USP45: variants seen among roughly 807,000 people sequenced by gnomAD.
USP45 encodes ubiquitin specific peptidase 45.
A neutral mutation model predicts 95.8 loss-of-function variants in USP45; 89 were observed. The observed-to-expected ratio is 0.93, with a 90% CI of 0.78 to 1.11. The LOEUF is 1.11. USP45 is among the 50% of genes least tolerant of loss of function. The probability of loss-of-function intolerance (pLI) is 0.00; values close to 1 mark genes in which losing one functional copy is unlikely to be tolerated. For synonymous variants in USP45, 281 were observed against 316.2 expected, an observed-to-expected ratio of 0.89 and a Z score of 1.18; for missense variants, 898 against 942.5, an observed-to-expected ratio of 0.95 and a Z score of 0.62.
chr6:99,466,869 G>A (rs914563168), intron 10 of USP45, 106 bp from the exon 11 acceptor site: 1 of 735,098 alleles, frequency 1.4e-6, no homozygotes, highest in South Asian at 1.7e-5. Context: ...AAGATATTCT[G>A]TACTACATTT....
intron 15 of USP45, among the ~76,000 whole-genome samples, chr6:99,442,626 C>G (rs1781733537): frequency 6.6e-6 from 1 of 152,154 alleles, no homozygotes; most frequent in Non-Finnish European, 1.5e-5. Context: ...GTGGGCGGAT[C>G]ACCTGAGGTC....
At chr6:99,475,525 A>G (rs1790606250) in intron 9 of USP45, among the ~76,000 whole-genome samples, 2 of 152,058 alleles carry the variant, frequency 1.3e-5, no homozygotes, top group Non-Finnish European at 2.9e-5. Flanking sequence ...CATGTTTCCC[A>G]GGCTGATCTT....
At chr6:99,500,435 ACTTT>A (rs1436817830) in intron 5 of USP45, among the ~76,000 whole-genome samples, 1 of 152,086 alleles carries the variant, frequency 6.6e-6, no homozygotes, top group East Asian at 1.9e-4. Context: ...AAAGCCATGT[ACTTT>A]CCATCATACC....
chr6:99,444,253 G>T (rs1345420382), intron 14 of USP45, among the ~76,000 whole-genome samples: 1 of 152,100 alleles, frequency 6.6e-6, no homozygotes, highest in Admixed American at 6.6e-5. Flanking sequence ...GGCTACAAGC[G>T]ATCCTCATGC....
At position 99,435,422 on chromosome 6, in the gene USP45, A is replaced by G. The variant is rs1289453840; in HGVS notation, c.*294T>C. 1.8e-5 allele frequency: 4 copies of G among 217,956 alleles called. No homozygotes were observed. Among genetic ancestry groups the G allele is most frequent in the Non-Finnish European group, 2.7e-5 (3 of 111,954 alleles). 13.5% of individuals were successfully genotyped at this position (217,956 alleles called of 1,614,324 possible). A position where few individuals can be genotyped will look rare whatever the true frequency, so the allele number is the denominator to read the frequency against. On this transcript the variant is annotated 3_prime_UTR_variant, in exon 18 of 18. Transcript: ENST00000500704. ...CCAGCATCATTTCTGAATGCTTGTA[A>G]TAATAAGCCACATCATAAAGGGGTT...
rs545357555 is a variant in USP45 at position 99,436,664 on chromosome 6, A to G, written c.2314+582T>C. On this transcript the variant is annotated intron_variant, in intron 17 of 17. Transcript: ENST00000500704. The stretch of plus-strand genomic sequence containing the variant: ...TGATATGGCTTCAAAAACTTTTGGT[A>G]TTGTTAAATAAAATGCTACTCCACT... Among the ~76,000 whole-genome samples, 12 of 152,336 alleles carry G rather than the reference A, an allele frequency of 7.9e-5. No individual in the cohort carries two copies. In the East Asian group the frequency reaches 1.2e-3, roughly 15 times the overall value.
intron 17 of USP45, 102 bp downstream of exon 17, chr6:99,437,144 A>C: frequency 8.2e-7 from 1 of 1,215,450 alleles, no homozygotes; most frequent in South Asian, 1.5e-5. Flanking sequence ...GCAAGCAAGC[A>C]AATCCACTAG....
intron 13 of USP45, among the ~76,000 whole-genome samples, chr6:99,460,239 C>A (rs1480591486): frequency 6.6e-6 from 1 of 152,054 alleles, no homozygotes; most frequent in Non-Finnish European, 1.5e-5. Flanking sequence ...ACTATCAAAT[C>A]AGTACTTGTA....
intron 9 of USP45, among the ~76,000 whole-genome samples, chr6:99,474,070 GGA>G (rs902172886): frequency 1.1e-4 from 17 of 152,092 alleles, no homozygotes; most frequent in African/African-American, 3.9e-4. Context: ...TTTTATAGCA[GGA>G]GAGAGTAATT....
At chr6:99,506,739 A>G (rs1367018154) in intron 4 of USP45, among the ~76,000 whole-genome samples, 5 of 152,232 alleles carry the variant, frequency 3.3e-5, no homozygotes, top group Non-Finnish European at 7.3e-5. Flanking sequence ...AATGACCTGA[A>G]AAGTTTTTAC....
chr6:99,486,474 A>T (rs1217892735), intron 7 of USP45, among the ~76,000 whole-genome samples: 1 of 152,070 alleles, frequency 6.6e-6, no homozygotes, highest in East Asian at 1.9e-4. Flanking sequence ...AGTTTTAAGG[A>T]TCTCACTACA....
intron 5 of USP45, chr6:99,501,812 T>C (rs915105262): frequency 2.4e-6 from 2 of 823,866 alleles, no homozygotes; most frequent in African/African-American, 1.8e-5. Flanking sequence ...TGTTATATAA[T>C]AAAGGATCTG....
At chr6:99,439,374 G>A (rs956265949) in intron 16 of USP45, among the ~76,000 whole-genome samples, 2 of 152,196 alleles carry the variant, frequency 1.3e-5, no homozygotes. Flanking sequence ...GAAGTGGCAC[G>A]AAAGACAATT....
intron 5 of USP45, among the ~76,000 whole-genome samples, chr6:99,497,171 T>C (rs1796470414): frequency 6.6e-6 from 1 of 152,156 alleles, no homozygotes; most frequent in Non-Finnish European, 1.5e-5. Flanking sequence ...CAATACCTAT[T>C]TCTGGGTGGG....
chr6:99,464,875 A>G (rs1583150873), intron 12 of USP45, 128 bp from the exon 13 acceptor site: 1 of 1,201,446 alleles, frequency 8.3e-7, no homozygotes, highest in Admixed American at 3.0e-5. Context: ...AAAGTGTTTA[A>G]GAGTTTAAAT....
chr6:99,495,177 C>G (rs1484332806), intron 5 of USP45, among the ~76,000 whole-genome samples: 1 of 152,130 alleles, frequency 6.6e-6, no homozygotes, highest in South Asian at 2.1e-4. Context: ...AGTTTTACAA[C>G]AGTAATCAAA....
chr6:99,508,519 A>T, intron 3 of USP45, 91 bp downstream of exon 3: 1 of 1,229,484 alleles, frequency 8.1e-7, no homozygotes, highest in Non-Finnish European at 1.1e-6. Context: ...AATTTATCTT[A>T]ACTCCTATGC....
chr6:99,454,821 G>T (rs1583061299), intron 13 of USP45, among the ~76,000 whole-genome samples: 1 of 152,138 alleles, frequency 6.6e-6, no homozygotes, highest in East Asian at 1.9e-4. Flanking sequence ...GGGTGCAGTG[G>T]CTTATGCCTG....
intron 5 of USP45, among the ~76,000 whole-genome samples, chr6:99,502,383 C>G (rs889534114): frequency 6.6e-6 from 1 of 152,136 alleles, no homozygotes; most frequent in Non-Finnish European, 1.5e-5. Context: ...CTCATTCTAG[C>G]AAATTATCAC....
Sources: gnomAD v4.1 joint callset for allele counts (sites outside exome capture counted in the v4.1 genomes callset) on GRCh38, gnomAD v4.1.1 for gene constraint, MANE v1.5 for transcripts, NCBI Gene and HGNC (gene_info 2026-07-23, HGNC 2026-07-21) for gene names.